The following NSD2 variants were observed in gnomAD, a reference collection of about 807,000 sequenced individuals.
NSD2 encodes nuclear receptor binding SET domain protein 2.
NSD2 carries 12 observed loss-of-function variants against 139.0 expected under a neutral mutation model. That is an observed-to-expected ratio of 0.09 (90% confidence interval 0.06 to 0.14). The LOEUF (loss-of-function observed/expected upper bound fraction) is 0.14, where lower values mean the gene tolerates loss of function less well. NSD2 is among the 10% of genes least tolerant of loss of function. The pLI, the probability that NSD2 is intolerant of heterozygous loss-of-function variation, is 1.00. For missense variants in NSD2, 1,155 were observed against 1,745.0 expected, an observed-to-expected ratio of 0.66 and a Z score of 6.02; for synonymous variants, 669 against 648.7, an observed-to-expected ratio of 1.03 and a Z score of -0.48.
chr4:1,875,006 G>C (rs1247602508), intron 1 of NSD2, among the ~76,000 whole-genome samples: 2 of 152,156 alleles, frequency 1.3e-5, no homozygotes, highest in East Asian at 3.8e-4. Flanking sequence ...CTGTTACCTG[G>C]TGTGGAGTGC....
At chr4:1,960,660 C>G (rs921574620) in intron 17 of NSD2, among the ~76,000 whole-genome samples, 1 of 152,230 alleles carries the variant, frequency 6.6e-6, no homozygotes, top group Admixed American at 6.5e-5. Flanking sequence ...ACTGCTGATT[C>G]ACCCAGACTC....
At chr4:1,940,809 G>C (rs908265341) in intron 9 of NSD2, 37 of 1,057,822 alleles carry the variant, frequency 3.5e-5, no homozygotes, top group Non-Finnish European at 4.1e-5. Context: ...CCACTCATTA[G>C]AGGAGTGTAG....
At chr4:1,944,294 T>G in intron 9 of NSD2, 1 of 1,066,264 alleles carries the variant, frequency 9.4e-7, no homozygotes, top group Non-Finnish European at 1.1e-6. Context: ...GGCTCTTGTT[T>G]GAAAGAACTT....
chr4:1,925,385 C>CTT (rs1197643100), intron 5 of NSD2, among the ~76,000 whole-genome samples: 1 of 86,808 alleles, frequency 1.2e-5, no homozygotes, highest in African/African-American at 4.3e-5. Flanking sequence ...TTTTCTTTTT[C>CTT]TTTCTTTTTT....
intron 18 of NSD2, among the ~76,000 whole-genome samples, chr4:1,969,817 T>A (rs575898636): frequency 6.6e-6 from 1 of 152,320 alleles, no homozygotes; most frequent in East Asian, 1.9e-4. Context: ...TACTCTAATA[T>A]TCACAGATTT....
intron 1 of NSD2, among the ~76,000 whole-genome samples, chr4:1,882,469 C>T (rs1345384779): frequency 6.6e-6 from 1 of 152,120 alleles, no homozygotes; most frequent in Non-Finnish European, 1.5e-5. Context: ...CGAGACCATC[C>T]TGGCTAACAC....
Position 1,952,246 on chromosome 4 carries a change from G to A in NSD2, c.2137+15G>A. The A allele has an allele frequency of 6.2e-7, 1 of 1,612,772 alleles. No homozygotes were observed. Among genetic ancestry groups the A allele is most frequent in the Non-Finnish European group, 8.5e-7 (1 of 1,179,760 alleles). On this transcript the variant is annotated intron_variant, in intron 11 of 21. Transcript: ENST00000508803. ...GTGTGCCTCAGGCAAGTTCCCACGG[G>A]CGGGCAGCTCTGCAGCCTGGCCGGC...
At chr4:1,905,251 C>G (rs923156066) in intron 3 of NSD2, among the ~76,000 whole-genome samples, 1 of 152,176 alleles carries the variant, frequency 6.6e-6, no homozygotes, top group African/African-American at 2.4e-5. Flanking sequence ...TCTGAAAGTT[C>G]TTCTAGAGTG....
In NSD2 at chr4:1,976,245, C is replaced by A; in HGVS notation, c.3622-230C>A. ...TGCTGCTGAGATGCGTCATTGCAGG[C>A]TTCCGACAAAGCTCACTCTAGTCGT... On this transcript the variant is annotated intron_variant, in intron 20 of 21. Transcript: ENST00000508803. This position sits in a 1 kb window ranked among gnomAD's most constrained non-coding sequence, Gnocchi z 5.3. 1.8e-6 allele frequency: 1 copy of A among 554,246 alleles called. No individual in the cohort carries two copies. The highest frequency in any genetic ancestry group is 3.2e-6 in the Non-Finnish European group (1 of 309,860). 34.3% of individuals were successfully genotyped at this position (554,246 alleles called of 1,614,324 possible).
At chr4:1,954,935 C>T (rs909347057) in intron 12 of NSD2, among the ~76,000 whole-genome samples, 1 of 152,206 alleles carries the variant, frequency 6.6e-6, no homozygotes, top group African/African-American at 2.4e-5. Flanking sequence ...CCCCAGGTGC[C>T]TGCAGTGCCC....
chr4:1,916,484 T>A (rs1719413840), intron 3 of NSD2, among the ~76,000 whole-genome samples: 1 of 152,202 alleles, frequency 6.6e-6, no homozygotes, highest in Non-Finnish European at 1.5e-5. Flanking sequence ...TAGCTGGGAC[T>A]ACAGGTGCAC....
rs1161045853 is a variant in NSD2 at position 1,978,797 on chromosome 4, G to A, written c.3986G>A (p.Gly1329Glu). ...GRSYCCEHDL[G>E]AASVRSTKTE... is the part of the protein sequence containing the mutation. Reference sequence around the variant, plus strand: ...TCCTACTGCTGTGAGCATGACTTAGGGGCGGCATCGGTCAGAAGCACCAAG... The same window carrying A: ...TCCTACTGCTGTGAGCATGACTTAGAGGCGGCATCGGTCAGAAGCACCAAG... Residue 1329 changes from glycine to glutamate, a missense_variant, in exon 22 of 22, where the codon GGG (glycine) becomes GAG (glutamate). Physicochemically the swap from Gly to Glu is moderately conservative, Grantham distance 98 (BLOSUM62 -2). Transcript: ENST00000508803. The A allele has an allele frequency of 4.3e-6, 7 of 1,612,680 alleles. No homozygotes were observed. Among genetic ancestry groups the A allele is most frequent in the African/African-American group, 1.3e-5 (1 of 74,936 alleles).
At position 1,938,504 on chromosome 4, in the gene NSD2, G is replaced by C; in HGVS notation, c.1728G>C (p.Glu576Asp). 1 of 1,601,274 alleles carries C rather than the reference G, an allele frequency of 6.2e-7. No homozygotes were observed. The highest frequency in any genetic ancestry group is 8.5e-7 in the Non-Finnish European group (1 of 1,175,958). The part of the protein sequence containing the change: ...TARTSSYKAM[E>D]AASSLKSQAA... Reference sequence around the variant, plus strand: ...GAACAAGCTCTTACAAGGCCATGGAGGCAGCCTCCTCGCTCAAGAGCCAGG... The same window carrying C: ...GAACAAGCTCTTACAAGGCCATGGACGCAGCCTCCTCGCTCAAGAGCCAGG... The change falls in exon 8 of 22, where the codon GAG (glutamate) becomes GAC (aspartate). Residue 576 changes from glutamate (E) to aspartate (D), a missense_variant. Physicochemically the swap from Glu to Asp is conservative, Grantham distance 45. Coordinates refer to ENST00000508803, the MANE Select transcript of NSD2 (RefSeq NM_001042424.3).
At chr4:1,907,753 C>T (rs1426521873) in intron 3 of NSD2, among the ~76,000 whole-genome samples, 1 of 151,364 alleles carries the variant, frequency 6.6e-6, no homozygotes, top group Non-Finnish European at 1.5e-5. Flanking sequence ...GGTGGGACTA[C>T]AGGTGCACGC....
At position 1,956,230 on chromosome 4, in the gene NSD2, G is replaced by A; in HGVS notation, c.2881+42G>A. ...ATAGAGAGTGAGACAGCACTCTCGT[G>A]CATTTTCTTACCCCTAATTTCTATT... On this transcript the variant is annotated intron_variant, in intron 15 of 21. Coordinates refer to ENST00000508803, the MANE Select transcript of NSD2 (RefSeq NM_001042424.3). The surrounding 1 kb of genome is among the most constrained non-coding windows in gnomAD (Gnocchi z 5.3). 2 of 1,486,568 alleles carry A rather than the reference G, an allele frequency of 1.3e-6. No individual in the cohort carries two copies. The highest frequency in any genetic ancestry group is 1.8e-6 in the Non-Finnish European group (2 of 1,103,972). The allele number at this position is 1,486,568 out of a possible 1,614,324, so 92.1% of individuals were successfully genotyped here.
intron 5 of NSD2, among the ~76,000 whole-genome samples, chr4:1,923,445 C>T (rs920013351): frequency 2.0e-5 from 3 of 152,090 alleles, no homozygotes; most frequent in East Asian, 1.9e-4. Context: ...CCAGTAAGTG[C>T]ATGAAGAGAT....
intron 9 of NSD2, chr4:1,940,643 A>G (rs937058433): frequency 2.0e-5 from 21 of 1,061,630 alleles, no homozygotes; most frequent in Admixed American, 5.4e-5. Context: ...TGTTTTTGTC[A>G]TGTTTATGAG....
intron 5 of NSD2, among the ~76,000 whole-genome samples, chr4:1,928,457 G>T (rs1439666750): frequency 1.3e-5 from 2 of 152,320 alleles, no homozygotes; most frequent in African/African-American, 4.8e-5. Context: ...ATGCGCTTTT[G>T]TGTTTTTAGA....
At chr4:1,873,776 CTT>C (rs1714046523) in intron 1 of NSD2, among the ~76,000 whole-genome samples, 2 of 134,980 alleles carry the variant, frequency 1.5e-5, no homozygotes, top group Non-Finnish European at 3.3e-5. Flanking sequence ...ACAGGATTCT[CTT>C]TACCAAGCAA....
Sources: gnomAD v4.1 joint callset for allele counts (sites outside exome capture counted in the v4.1 genomes callset) on GRCh38, gnomAD v4.1.1 for gene constraint, Gnocchi (gnomAD v3.1) non-coding constraint, MANE v1.5 for transcripts, NCBI Gene and HGNC (gene_info 2026-07-23, HGNC 2026-07-21) for gene names.